The following ATXN1 variants were observed in gnomAD, a reference collection of about 807,000 sequenced individuals.
ATXN1 encodes ataxin 1, also known as ataxin-1.
A neutral mutation model predicts 56.4 loss-of-function variants in ATXN1; 8 were observed. The observed-to-expected ratio is 0.14, with a 90% CI of 0.08 to 0.26. The LOEUF is 0.26. Among genes scored for constraint, ATXN1 ranks in the 10% least tolerant of loss-of-function variants. ATXN1 has a pLI of 1.00. For synonymous variants in ATXN1, 514 were observed against 494.6 expected, an observed-to-expected ratio of 1.04 and a Z score of -0.52; for missense variants, 987 against 1,106.5, an observed-to-expected ratio of 0.89 and a Z score of 1.53.
At chr6:16,386,204 T>C (rs976669039) in intron 6 of ATXN1, among the ~76,000 whole-genome samples, 8 of 152,332 alleles carry the variant, frequency 5.3e-5, no homozygotes, top group South Asian at 2.1e-4. Context: ...GGTTGCTCCA[T>C]CAAGTTTCCA....
chr6:16,622,283 C>T (rs1225141701), intron 3 of ATXN1, among the ~76,000 whole-genome samples: 1 of 152,106 alleles, frequency 6.6e-6, no homozygotes, highest in Non-Finnish European at 1.5e-5. Flanking sequence ...GAGGGAGGAA[C>T]ATGTTTGCAT....
intron 6 of ATXN1, among the ~76,000 whole-genome samples, chr6:16,424,223 C>T (rs1407755150): frequency 6.6e-6 from 1 of 152,154 alleles, no homozygotes; most frequent in Admixed American, 6.5e-5. Flanking sequence ...AACATCATTG[C>T]TCCTACAGGC....
intron 6 of ATXN1, among the ~76,000 whole-genome samples, chr6:16,366,033 G>T (rs544245127): frequency 5.3e-5 from 8 of 152,084 alleles, no homozygotes; most frequent in Non-Finnish European, 1.0e-4. Flanking sequence ...TCTCTTCTCA[G>T]CATCAGAGAT....
chr6:16,595,377 A>G (rs1762796107), intron 3 of ATXN1, among the ~76,000 whole-genome samples: 1 of 152,234 alleles, frequency 6.6e-6, no homozygotes, highest in South Asian at 2.1e-4. Context: ...GTTCTTCATC[A>G]TCCTCCTACA....
chr6:16,667,250 C>T (rs1758447823), intron 2 of ATXN1: 3 of 152,246 alleles, frequency 2.0e-5, no homozygotes, highest in Admixed American at 2.0e-4. Context: ...TCTCTATCTC[C>T]TCAGTCTGCT....
chr6:16,745,933 CGTGTGTGTGTGT>C (rs60773814), intron 2 of ATXN1, among the ~76,000 whole-genome samples: 94 of 147,232 alleles, frequency 6.4e-4, no homozygotes, highest in African/African-American at 2.1e-3. Context: ...CTATGCCTTC[CGTGTGTGTGTGT>C]GTGTGTGTGT....
intron 1 of ATXN1, chr6:16,754,722 A>G (rs143847959): frequency 6.6e-4 from 101 of 152,362 alleles, no homozygotes; most frequent in African/African-American, 2.3e-3. Context: ...GAATTCTTGT[A>G]GTCCTTGGTT....
intron 6 of ATXN1, among the ~76,000 whole-genome samples, chr6:16,480,963 T>C (rs1760426024): frequency 6.6e-6 from 1 of 152,096 alleles, no homozygotes; most frequent in African/African-American, 2.4e-5. Flanking sequence ...GCAAAGACCC[T>C]GCCAAAGGTG....
chr6:16,401,869 C>A (rs142695042), intron 6 of ATXN1, among the ~76,000 whole-genome samples: 1 of 152,086 alleles, frequency 6.6e-6, no homozygotes, highest in African/African-American at 2.4e-5. Context: ...AAGACATACC[C>A]GAGACTGAGC....
At chr6:16,480,261 C>A (rs1018870301) in intron 6 of ATXN1, among the ~76,000 whole-genome samples, 4 of 151,470 alleles carry the variant, frequency 2.6e-5, no homozygotes, top group African/African-American at 9.7e-5. Flanking sequence ...AGTGTTCAAA[C>A]CAAACAATTT....
chr6:16,592,115 GT>G (rs1301843822), intron 3 of ATXN1, among the ~76,000 whole-genome samples: 1 of 151,986 alleles, frequency 6.6e-6, no homozygotes, highest in African/African-American at 2.4e-5. Context: ...CCACCAGCCT[GT>G]CACTCATTAT....
chr6:16,716,083 T>A (rs1402700903), intron 2 of ATXN1, among the ~76,000 whole-genome samples: 1 of 152,164 alleles, frequency 6.6e-6, no homozygotes, highest in Non-Finnish European at 1.5e-5. Flanking sequence ...TAACGCATCC[T>A]TCGTCCATAT....
At chr6:16,412,544 C>T (rs902983241) in intron 6 of ATXN1, among the ~76,000 whole-genome samples, 1 of 152,096 alleles carries the variant, frequency 6.6e-6, no homozygotes, top group African/African-American at 2.4e-5. Flanking sequence ...ACGGCAACAG[C>T]GTCAGTTTCT....
intron 6 of ATXN1, among the ~76,000 whole-genome samples, chr6:16,399,517 C>T (rs550111767): frequency 6.6e-6 from 1 of 152,242 alleles, no homozygotes; most frequent in South Asian, 2.1e-4. Flanking sequence ...TGTTGCGTTC[C>T]AAGCATATCA....
At chr6:16,345,455 T>C (rs1761357486) in intron 6 of ATXN1, among the ~76,000 whole-genome samples, 1 of 152,198 alleles carries the variant, frequency 6.6e-6, no homozygotes, top group Admixed American at 6.5e-5. Context: ...GACAACAATT[T>C]TGTTGAAACC....
intron 2 of ATXN1, among the ~76,000 whole-genome samples, chr6:16,687,430 A>T (rs1188280912): frequency 6.6e-6 from 1 of 152,128 alleles, no homozygotes. Flanking sequence ...GCCCTTTGAA[A>T]TTACTGGCAT....
intron 7 of ATXN1, among the ~76,000 whole-genome samples, chr6:16,318,880 C>A (rs1333626775): frequency 1.3e-5 from 2 of 152,174 alleles, no homozygotes; most frequent in Admixed American, 1.3e-4. Context: ...CCCTTAGGCA[C>A]ACAGGTTCTA....
chr6:16,493,965 G>A (rs1193357800), intron 5 of ATXN1, among the ~76,000 whole-genome samples: 1 of 152,192 alleles, frequency 6.6e-6, no homozygotes, highest in Non-Finnish European at 1.5e-5. Context: ...GTTCAGAAAT[G>A]CTTCCTCTGA....
chr6:16,550,857 C>T (rs1230207911), intron 4 of ATXN1, among the ~76,000 whole-genome samples: 2 of 152,098 alleles, frequency 1.3e-5, no homozygotes, highest in African/African-American at 4.8e-5. Context: ...TATTTGAAAA[C>T]ATTTTCCAAA....
Sources: allele counts gnomAD v4.1 joint callset (sites outside exome capture counted in the v4.1 genomes callset), GRCh38; gene constraint gnomAD v4.1.1; transcripts MANE v1.5; gene names NCBI Gene and HGNC (gene_info 2026-07-23, HGNC 2026-07-21).